SAMD5: variants seen among roughly 807,000 people sequenced by gnomAD.
SAMD5 encodes the protein sterile alpha motif domain-containing protein 5.
SAMD5 carries 13 observed loss-of-function variants against 11.3 expected under a neutral mutation model. The observed-to-expected ratio is 1.15, with a 90% CI of 0.75 to 1.83. The LOEUF (loss-of-function observed/expected upper bound fraction) is 1.83. SAMD5 is among the 40% of genes most tolerant of loss of function. The pLI, the probability that SAMD5 is intolerant of heterozygous loss-of-function variation, is 0.00. For missense variants in SAMD5, 255 were observed against 239.1 expected, an observed-to-expected ratio of 1.07 and a Z score of -0.44; for synonymous variants, 129 against 111.3, an observed-to-expected ratio of 1.16 and a Z score of -1.00.
At chr6:147,841,754 G>GACTC in the SAMD5 span, among the ~76,000 whole-genome samples, 1 of 151,974 alleles carries the variant, frequency 6.6e-6, no homozygotes, top group African/African-American at 2.4e-5. Context: ...CAAGGAGACT[G>GACTC]TTCAGGGTGA....
At chr6:147,636,137 A>G (rs780136742) in intron 1 of SAMD5, among the ~76,000 whole-genome samples, 2 of 152,184 alleles carry the variant, frequency 1.3e-5, no homozygotes, top group African/African-American at 4.8e-5. Flanking sequence ...AGGAAAAACA[A>G]TGTGTCTATA....
intron 1 of SAMD5, among the ~76,000 whole-genome samples, chr6:147,581,485 C>T (rs1400148328): frequency 6.6e-6 from 1 of 152,046 alleles, no homozygotes; most frequent in Admixed American, 6.6e-5. Context: ...GAAACATAGC[C>T]AGAGCACCAA....
intron 1 of SAMD5, among the ~76,000 whole-genome samples, chr6:147,626,640 A>T (rs1425557091): frequency 6.6e-6 from 1 of 151,944 alleles, no homozygotes. Context: ...ATTAAAAAGA[A>T]CCAATGCCTT....
intron 1 of SAMD5, among the ~76,000 whole-genome samples, chr6:147,625,258 G>A (rs951876548): frequency 6.6e-6 from 1 of 152,162 alleles, no homozygotes; most frequent in African/African-American, 2.4e-5. Context: ...TGTTTCCACT[G>A]TTTGGGTATT....
At chr6:147,850,971 G>A in the SAMD5 span, among the ~76,000 whole-genome samples, 1 of 138,926 alleles carries the variant, frequency 7.2e-6, no homozygotes, top group Admixed American at 7.6e-5. Context: ...TTTTGAGACA[G>A]AGTCTCTCCC....
intron 1 of SAMD5, among the ~76,000 whole-genome samples, chr6:147,703,755 G>A (rs1245777190): frequency 6.6e-6 from 1 of 152,080 alleles, no homozygotes; most frequent in Non-Finnish European, 1.5e-5. Context: ...GAGCACTCCT[G>A]TCTTTATCAT....
the SAMD5 span, among the ~76,000 whole-genome samples, chr6:147,928,978 G>GC: frequency 6.8e-6 from 1 of 147,928 alleles, no homozygotes; most frequent in African/African-American, 2.5e-5. Flanking sequence ...GGTTTTGAGT[G>GC]TTTTTTTTTT....
intron 1 of SAMD5, among the ~76,000 whole-genome samples, chr6:147,637,879 T>G (rs1210625460): frequency 6.6e-6 from 1 of 152,072 alleles, no homozygotes; most frequent in East Asian, 1.9e-4. Context: ...TTTTTTCATT[T>G]TAAACCAATT....
the SAMD5 span, among the ~76,000 whole-genome samples, chr6:147,839,363 C>A: frequency 6.6e-6 from 1 of 152,188 alleles, no homozygotes; most frequent in East Asian, 1.9e-4. Flanking sequence ...CAAAATAAAT[C>A]TAATATAATG....
At chr6:147,953,401 A>G in the SAMD5 span, 1 of 152,122 alleles carries the variant, frequency 6.6e-6, no homozygotes, top group African/African-American at 2.4e-5. Context: ...GTTTGTGGGG[A>G]AAGAATAAAA....
chr6:147,766,764 G>C, the SAMD5 span, among the ~76,000 whole-genome samples: 2 of 152,170 alleles, frequency 1.3e-5, no homozygotes, highest in African/African-American at 4.8e-5. Flanking sequence ...TTGACAGAAT[G>C]ACACTTGTGT....
the SAMD5 span, among the ~76,000 whole-genome samples, chr6:147,874,750 G>C: frequency 3.4e-4 from 51 of 151,620 alleles, 2 homozygotes; most frequent in South Asian, 0.01. Flanking sequence ...ATTTTGGGAG[G>C]GGCAGCATGG....
At chr6:147,890,255 C>T in the SAMD5 span, among the ~76,000 whole-genome samples, 2 of 151,456 alleles carry the variant, frequency 1.3e-5, no homozygotes, top group African/African-American at 4.8e-5. Flanking sequence ...TAATAACAGT[C>T]AAATTCACAG....
chr6:147,867,190 G>A, the SAMD5 span, among the ~76,000 whole-genome samples: 3 of 151,222 alleles, frequency 2.0e-5, no homozygotes, highest in East Asian at 1.9e-4. Context: ...TGTCTGGCCC[G>A]TGCTACTGTT....
the SAMD5 span, among the ~76,000 whole-genome samples, chr6:147,789,032 C>T: frequency 1.3e-5 from 2 of 151,368 alleles, no homozygotes; most frequent in Non-Finnish European, 2.9e-5. Flanking sequence ...TGCAGTGAGC[C>T]CAGATCACGC....
At chr6:147,913,806 CACAT>C in the SAMD5 span, among the ~76,000 whole-genome samples, 3 of 152,208 alleles carry the variant, frequency 2.0e-5, no homozygotes, top group Non-Finnish European at 2.9e-5. Context: ...AAACATTATG[CACAT>C]ACATGCATGT....
At chr6:147,834,277 C>A in the SAMD5 span, among the ~76,000 whole-genome samples, 2 of 151,904 alleles carry the variant, frequency 1.3e-5, no homozygotes, top group African/African-American at 2.4e-5. Flanking sequence ...CTTTATTTCT[C>A]TGTTTTGCTG....
chr6:147,685,595 C>T (rs1228014614), intron 1 of SAMD5, among the ~76,000 whole-genome samples: 3 of 152,182 alleles, frequency 2.0e-5, no homozygotes, highest in Non-Finnish European at 4.4e-5. Flanking sequence ...CTTCTGGCTG[C>T]ATATCTGGAG....
chr6:147,547,872 A>G (rs776365741), intron 1 of SAMD5, among the ~76,000 whole-genome samples: 3 of 152,258 alleles, frequency 2.0e-5, no homozygotes, highest in Non-Finnish European at 2.9e-5. Flanking sequence ...GCCCAAATGC[A>G]GAATTGAAAA....
Sources: gnomAD v4.1 joint callset for allele counts (sites outside exome capture counted in the v4.1 genomes callset) on GRCh38, gnomAD v4.1.1 for gene constraint, MANE v1.5 for transcripts, NCBI Gene and HGNC (gene_info 2026-07-23, HGNC 2026-07-21) for gene names.